PKD1L1: variants seen among roughly 807,000 people sequenced by gnomAD.
PKD1L1 encodes polycystin 1 like 1, transient receptor potential channel interacting.
A neutral mutation model predicts 323.4 loss-of-function variants in PKD1L1; 236 were observed. The observed-to-expected ratio is 0.73, with a 90% CI of 0.66 to 0.81. The LOEUF (loss-of-function observed/expected upper bound fraction) is 0.81. Among genes scored for constraint, PKD1L1 ranks in the 40% least tolerant of loss-of-function variants. PKD1L1 has a pLI of 0.00. For missense variants in PKD1L1, 3,320 were observed against 3,508.0 expected (o/e 0.95, Z 1.35); for synonymous variants, 1,344 against 1,335.0 (o/e 1.01, Z -0.15).
chr7:47,887,905 A>T (rs1786718667), intron 17 of PKD1L1, 85 bp downstream of exon 17: 1 of 1,362,334 alleles, frequency 7.3e-7, no homozygotes, highest in Non-Finnish European at 1.0e-6. Flanking sequence ...GTCATACCAA[A>T]TGTATTTTGC....
At chr7:47,902,763 C>T (rs995973536) in intron 12 of PKD1L1, among the ~76,000 whole-genome samples, 1 of 152,226 alleles carries the variant, frequency 6.6e-6, no homozygotes, top group Non-Finnish European at 1.5e-5. Context: ...ATGTCACATG[C>T]TATATTCAAA....
intron 39 of PKD1L1, 95 bp downstream of exon 39, chr7:47,834,872 C>T: frequency 9.6e-7 from 1 of 1,045,438 alleles, no homozygotes; most frequent in Non-Finnish European, 1.4e-6. Context: ...AAACATAATG[C>T]AAATTGAAAA....
intron 4 of PKD1L1, among the ~76,000 whole-genome samples, chr7:47,933,732 G>A (rs1787815701): frequency 6.6e-6 from 1 of 151,960 alleles, no homozygotes; most frequent in South Asian, 2.1e-4. Flanking sequence ...ATATTTTGTT[G>A]AATAAATAAA....
Position 47,827,401 on chromosome 7 carries a change from C to T in PKD1L1, c.6803G>A (p.Arg2268Lys), listed in dbSNP as rs780189159. 6.2e-7 allele frequency: 1 copy of T among 1,613,450 alleles called. No homozygotes were observed. The change falls in exon 45 of 57, where the codon AGG (arginine) becomes AAG (lysine). Residue 2268 changes from arginine to lysine, a missense_variant. Coordinates refer to ENST00000289672, the MANE Select transcript of PKD1L1 (RefSeq NM_138295.5). ...WAHPPSKAQLRGTRQRMRRES... is the reference protein window; with the variant it reads ...WAHPPSKAQLKGTRQRMRRES... ...TCTCCTCATCCTCTGTCTGGTGCCC[C>T]TCAGCTGGGCCTTGGATGGTGGATG...
At chr7:47,830,188 G>A in intron 42 of PKD1L1, 64 bp from the exon 43 acceptor site, 1 of 1,377,748 alleles carries the variant, frequency 7.3e-7, no homozygotes. Flanking sequence ...AGCAGTCATT[G>A]CTGCCTAAGC....
rs1786529737 is a variant in PKD1L1, at chr7:47,774,686, A to G, written c.*457T>C. ...TGCGTTATTAATCTAGCAAGATTCA[A>G]TTGTTAAATTTACAAAATAAGGATT... is the stretch of plus-strand genomic sequence containing the variant. On this transcript the variant is annotated 3_prime_UTR_variant, in exon 57 of 57. Transcript: ENST00000289672. The G allele has an allele frequency of 6.5e-6, 1 of 152,852 alleles. No individual in the cohort carries two copies. Among genetic ancestry groups the G allele is most frequent in the African/African-American group, 2.4e-5 (1 of 41,470 alleles). The allele number at this position is 152,852 out of a possible 1,614,324, so 9.5% of individuals were successfully genotyped here.
rs1257200222 is a variant in PKD1L1 at position 47,836,971 on chromosome 7, A to C, written c.5893T>G (p.Cys1965Gly). 6.2e-7 allele frequency: 1 copy of C among 1,614,212 alleles called. No homozygotes were observed. Among genetic ancestry groups the C allele is most frequent in the Admixed American group, 1.7e-5 (1 of 60,032 alleles). Reference sequence around the variant, plus strand: ...AGGGCAGTGAGACACGCGTAGACGCACAGCAGGGAGAAGGACACGGTGAGG... The same window carrying C: ...AGGGCAGTGAGACACGCGTAGACGCCCAGCAGGGAGAAGGACACGGTGAGG... Reference protein sequence around the residue: ...PRLTVSFSLLCVYACLTALVA... With the variant: ...PRLTVSFSLLGVYACLTALVA... The change falls in exon 37 of 57, where the codon TGC becomes GGC. Residue 1965 changes from cysteine to glycine, a missense_variant. By Grantham distance (159) the Cys-to-Gly change is radical (BLOSUM62 -3). Transcript: ENST00000289672.
chr7:47,944,312 C>T (rs960993215), intron 1 of PKD1L1, among the ~76,000 whole-genome samples: 2 of 152,158 alleles, frequency 1.3e-5, no homozygotes, highest in African/African-American at 4.8e-5. Flanking sequence ...ACCTGCTCCC[C>T]CTTCACCTTC....
chr7:47,822,752 G>A (rs1785172802), intron 45 of PKD1L1, among the ~76,000 whole-genome samples: 2 of 152,152 alleles, frequency 1.3e-5, no homozygotes, highest in Admixed American at 6.5e-5. Flanking sequence ...TTTCATCAGT[G>A]TTTTGTGGTT....
chr7:47,863,929 C>T (rs1184789722), intron 26 of PKD1L1, among the ~76,000 whole-genome samples: 2 of 152,126 alleles, frequency 1.3e-5, no homozygotes, highest in South Asian at 2.1e-4. Flanking sequence ...TTTTTAAATG[C>T]TCTGCTGTGA....
At chr7:47,805,961 T>C (rs1784767751) in intron 52 of PKD1L1, among the ~76,000 whole-genome samples, 1 of 152,156 alleles carries the variant, frequency 6.6e-6, no homozygotes, top group East Asian at 1.9e-4. Context: ...CAGAAGCTAA[T>C]TGAGGAATTG....
In PKD1L1 at chr7:47,784,452, C is replaced by T. The variant is rs576342344; in HGVS notation, c.8526+8175G>A. Reference sequence around the variant, plus strand: ...AACTATGACCCTATCATTTTGTCATCTCTTTACTTGAGTAATACAATAGCT... The same window carrying T: ...AACTATGACCCTATCATTTTGTCATTTCTTTACTTGAGTAATACAATAGCT... On this transcript the variant is annotated intron_variant, in intron 56 of 56. Coordinates refer to ENST00000289672, the MANE Select transcript of PKD1L1 (RefSeq NM_138295.5). 3.4e-4 allele frequency among the ~76,000 whole-genome samples: 51 copies of T among 152,190 alleles called. No homozygotes were observed. In the South Asian group the frequency reaches 9.5e-3, roughly 28 times the overall value.
At chr7:47,828,721 G>C (rs1042519933) in intron 44 of PKD1L1, among the ~76,000 whole-genome samples, 4 of 152,230 alleles carry the variant, frequency 2.6e-5, no homozygotes, top group African/African-American at 9.6e-5. Flanking sequence ...CTTGGTTTTA[G>C]GCAGGGCTGA....
intron 25 of PKD1L1, among the ~76,000 whole-genome samples, 160 bp from the exon 26 acceptor site, chr7:47,865,432 A>G (rs1406057753): frequency 6.6e-6 from 1 of 152,030 alleles, no homozygotes; most frequent in Admixed American, 6.5e-5. Flanking sequence ...TACAGAGACC[A>G]TTACTGTTGT....
At chr7:47,838,789 A>G (rs1160562606) in intron 36 of PKD1L1, among the ~76,000 whole-genome samples, 1 of 151,380 alleles carries the variant, frequency 6.6e-6, no homozygotes, top group Non-Finnish European at 1.5e-5. Flanking sequence ...GAGGCAGGAG[A>G]ATCACTTGAA....
At chr7:47,794,557 T>A (rs757836376) in intron 55 of PKD1L1, among the ~76,000 whole-genome samples, 1 of 152,230 alleles carries the variant, frequency 6.6e-6, no homozygotes, top group African/African-American at 2.4e-5. Context: ...AAAAGTTTTC[T>A]GCAGGGGCGG....
At chr7:47,959,716 C>G in the PKD1L1 span, among the ~76,000 whole-genome samples, 8 of 140,406 alleles carry the variant, frequency 5.7e-5, no homozygotes, top group Admixed American at 4.2e-4. Flanking sequence ...AGCCCCCCGC[C>G]CAGCCAGCCG....
rs1279098145 is a variant in PKD1L1, at chr7:47,890,602, C to T, written c.2615G>A (p.Gly872Asp). ...CCGGGTCTCAGAAGAGTTCCGGCCA[C>T]CACTGGAGACCCTCAGCATCACAAG... ...QFLVMLRVSSGGRNSSETRVF... is the reference protein window; with the variant it reads ...QFLVMLRVSSDGRNSSETRVF... The change falls in exon 16 of 57, where the codon GGT becomes GAT. Residue 872 changes from glycine to aspartate, a missense_variant. By Grantham distance (94) the Gly-to-Asp change is moderately conservative (BLOSUM62 -1). Coordinates refer to ENST00000289672, the MANE Select transcript of PKD1L1 (RefSeq NM_138295.5). 1 of 1,614,068 alleles carries T rather than the reference C, an allele frequency of 6.2e-7. No homozygotes were observed. The highest frequency in any genetic ancestry group is 8.5e-7 in the Non-Finnish European group (1 of 1,180,054).
intron 47 of PKD1L1, 116 bp from the exon 48 acceptor site, chr7:47,814,130 C>T: frequency 1.4e-6 from 1 of 735,534 alleles, no homozygotes; most frequent in South Asian, 1.8e-5. Context: ...CCATAGAGGT[C>T]AGAGTTTTAT....
Sources: gnomAD v4.1 joint callset for allele counts (sites outside exome capture counted in the v4.1 genomes callset) on GRCh38, gnomAD v4.1.1 for gene constraint, MANE v1.5 for transcripts, NCBI Gene and HGNC (gene_info 2026-07-23, HGNC 2026-07-21) for gene names.